The following ACTN4 variants were observed in gnomAD, a reference collection of about 807,000 sequenced individuals.
ACTN4 encodes alpha-actinin-4.
In ACTN4, 18 loss-of-function variants were observed where a neutral mutation model predicts 114.2. The observed-to-expected ratio is 0.16, with a 90% confidence interval of 0.11 to 0.23. ACTN4 has a LOEUF of 0.23. ACTN4 is among the 10% of genes least tolerant of loss of function. The pLI is 1.00. For synonymous variants in ACTN4, 515 were observed against 506.3 expected, an observed-to-expected ratio of 1.02 and a Z score of -0.23; for missense variants, 722 against 1,262.9, an observed-to-expected ratio of 0.57 and a Z score of 6.49.
chr19:38,673,567 T>TTAAA (rs1967233398), intron 1 of ACTN4, among the ~76,000 whole-genome samples: 1 of 94,142 alleles, frequency 1.1e-5, no homozygotes. Context: ...TTATATATAT[T>TTAAA]TATATATATT....
At chr19:38,712,246 A>AG (rs35992048) in intron 8 of ACTN4, among the ~76,000 whole-genome samples, 8,469 of 151,798 alleles carry the variant, frequency 0.056, 250 homozygotes, top group South Asian at 0.095. Context: ...TAAAACTAGA[A>AG]GGGGGGGGCC....
chr19:38,715,748 T>C (rs1968817661), intron 9 of ACTN4, among the ~76,000 whole-genome samples: 1 of 152,316 alleles, frequency 6.6e-6, no homozygotes, highest in East Asian at 1.9e-4. Flanking sequence ...CCCCAGCCAT[T>C]GCCAAGAAAG....
chr19:38,665,284 C>T (rs929382268), intron 1 of ACTN4, among the ~76,000 whole-genome samples: 1 of 152,206 alleles, frequency 6.6e-6, no homozygotes, highest in African/African-American at 2.4e-5. Context: ...GCTGGCTGTG[C>T]GACCCTGGGC....
rs1204229764 is a variant in ACTN4, at chr19:38,708,885, A to T, written c.652-510A>T. Among the ~76,000 whole-genome samples the T allele has an allele frequency of 2.6e-5, 4 of 152,168 alleles. 1 individual carries two copies. The highest frequency in any genetic ancestry group is 6.3e-3 in the Middle Eastern group (2 of 316). On this transcript the variant is annotated intron_variant, in intron 6 of 20. Coordinates refer to ENST00000252699, the MANE Select transcript of ACTN4 (RefSeq NM_004924.6). Reference sequence around the variant, plus strand: ...CACCCAGCCCGTTCCAGCCACAGTGAGCAAGAGAGCTGGGCCCCGGCCAGG... The same window carrying T: ...CACCCAGCCCGTTCCAGCCACAGTGTGCAAGAGAGCTGGGCCCCGGCCAGG...
At chr19:38,657,141 T>C (rs1394400518) in intron 1 of ACTN4, among the ~76,000 whole-genome samples, 1 of 150,920 alleles carries the variant, frequency 6.6e-6, no homozygotes, top group African/African-American at 2.4e-5. Context: ...GGCCAGCTAA[T>C]TTTAATTTTT....
intron 1 of ACTN4, among the ~76,000 whole-genome samples, chr19:38,649,300 A>AG (rs1976487034): frequency 1.9e-5 from 1 of 51,302 alleles, no homozygotes; most frequent in Non-Finnish European, 3.6e-5. Context: ...AGTGTGGTTG[A>AG]GGGGGGAGCT....
chr19:38,689,058 A>G (rs1473995793), intron 1 of ACTN4, among the ~76,000 whole-genome samples: 1 of 152,214 alleles, frequency 6.6e-6, no homozygotes, highest in East Asian at 1.9e-4. Context: ...GAGGTATCAT[A>G]TGACTCAGCA....
chr19:38,687,814 G>A (rs759779202), intron 1 of ACTN4, among the ~76,000 whole-genome samples: 10 of 152,112 alleles, frequency 6.6e-5, no homozygotes, highest in Non-Finnish European at 1.2e-4. Flanking sequence ...TGCTTCAAAG[G>A]ACACTATTAA....
At position 38,730,648 on chromosome 19, in the gene ACTN4, C is replaced by T; in HGVS notation, c.*1216C>T. 1 of 639,954 alleles carries T rather than the reference C, an allele frequency of 1.6e-6. No homozygotes were observed. Among genetic ancestry groups the T allele is most frequent in the East Asian group, 2.7e-5 (1 of 36,634 alleles). 39.6% of individuals were successfully genotyped at this position (639,954 alleles called of 1,614,324 possible). On this transcript the variant is annotated 3_prime_UTR_variant, in exon 21 of 21. Coordinates refer to ENST00000252699, the MANE Select transcript of ACTN4 (RefSeq NM_004924.6). The stretch of plus-strand genomic sequence containing the variant: ...AACGTGGACTAGCTCGTGTCATCTG[C>T]TCGAGAAGGGCTGTCGCTGTTCTTG...
intron 1 of ACTN4, among the ~76,000 whole-genome samples, chr19:38,664,210 T>A (rs1418858916): frequency 6.6e-6 from 1 of 152,160 alleles, no homozygotes; most frequent in African/African-American, 2.4e-5. Flanking sequence ...GGTGCTATTC[T>A]TTTCTTTAAA....
chr19:38,685,197 G>A (rs953877975), intron 1 of ACTN4, among the ~76,000 whole-genome samples: 2 of 152,102 alleles, frequency 1.3e-5, no homozygotes, highest in African/African-American at 4.8e-5. Flanking sequence ...ACCCACCTTG[G>A]CCTCCCAAAG....
At chr19:38,699,801 A>G (rs1489837637) in intron 1 of ACTN4, among the ~76,000 whole-genome samples, 1 of 151,392 alleles carries the variant, frequency 6.6e-6, no homozygotes, top group East Asian at 1.9e-4. Flanking sequence ...AGGGCATGGC[A>G]TGTTCTCCAG....
At chr19:38,648,505 A>G (rs1160358110) in intron 1 of ACTN4, among the ~76,000 whole-genome samples, 2 of 151,712 alleles carry the variant, frequency 1.3e-5, no homozygotes, top group Non-Finnish European at 2.9e-5. Flanking sequence ...AAGACTAGGG[A>G]GGCTGGGAAG....
At chr19:38,673,432 TTTTA>T (rs1295149177) in intron 1 of ACTN4, among the ~76,000 whole-genome samples, 4 of 136,508 alleles carry the variant, frequency 2.9e-5, no homozygotes, top group Non-Finnish European at 4.6e-5. Flanking sequence ...CAAATTGTGG[TTTTA>T]TTTTTTATAT....
chr19:38,710,685 G>T, intron 8 of ACTN4: 1 of 383,744 alleles, frequency 2.6e-6, no homozygotes, highest in Non-Finnish European at 5.0e-6. Context: ...GGACAGAGAT[G>T]GCTGGGGTGA....
Position 38,730,523 on chromosome 19 carries a change from TAAG to T in ACTN4, c.*1095_*1097del, listed in dbSNP as rs1334298190. On this transcript the variant is annotated 3_prime_UTR_variant, in exon 21 of 21. Coordinates refer to ENST00000252699, the MANE Select transcript of ACTN4 (RefSeq NM_004924.6). ...AGGATAATAAAACATGTAATATTTT[TAAG>T]AAGGATTCCTGCAGCATCATCTTTT... The T allele has an allele frequency of 1.8e-5, 7 of 397,864 alleles. No individual in the cohort carries two copies. The highest frequency in any genetic ancestry group is 1.6e-4 in the South Asian group (4 of 24,524). 24.6% of individuals were successfully genotyped at this position (397,864 alleles called of 1,614,324 possible).
chr19:38,668,414 G>A (rs1244256407), intron 1 of ACTN4, among the ~76,000 whole-genome samples: 1 of 152,200 alleles, frequency 6.6e-6, no homozygotes, highest in Non-Finnish European at 1.5e-5. Flanking sequence ...AGGGCCAGGC[G>A]CAGTGGCTCA....
At chr19:38,665,159 C>T (rs189569460) in intron 1 of ACTN4, among the ~76,000 whole-genome samples, 175 of 152,248 alleles carry the variant, frequency 1.1e-3, no homozygotes, top group African/African-American at 4.0e-3. Context: ...TTTGACATCC[C>T]CCACTCCCCA....
chr19:38,724,417 G>A lies in ACTN4; in HGVS notation c.1876-14G>A, dbSNP rs777311780. On this transcript the variant is annotated splice_polypyrimidine_tract_variant and intron_variant, in intron 15 of 20. Coordinates refer to ENST00000252699, the MANE Select transcript of ACTN4 (RefSeq NM_004924.6). The surrounding 1 kb of genome is among the most constrained non-coding windows in gnomAD (Gnocchi z 7.0). ...ACCTCCCTGACCGCTCCCACACCGC[G>A]TCTCCTCTGCCAGGTGCAGCAGCTG... The A allele has an allele frequency of 8.1e-6, 13 of 1,612,684 alleles. No individual in the cohort carries two copies. The highest frequency in any genetic ancestry group is 1.3e-5 in the African/African-American group (1 of 74,928).
Sources: allele counts gnomAD v4.1 joint callset (sites outside exome capture counted in the v4.1 genomes callset), GRCh38; gene constraint gnomAD v4.1.1; non-coding constraint Gnocchi (gnomAD v3.1); transcripts MANE v1.5; gene names NCBI Gene and HGNC (gene_info 2026-07-23, HGNC 2026-07-21).